MECR: variants seen among roughly 807,000 people sequenced by gnomAD.
MECR encodes the protein enoyl-[acyl-carrier-protein] reductase, mitochondrial.
MECR carries 37 observed loss-of-function variants against 49.1 expected under a neutral mutation model. That is an observed-to-expected ratio of 0.75 (90% CI 0.58 to 0.99). The LOEUF is 0.99. MECR is among the 50% of genes least tolerant of loss of function. MECR has a pLI of 0.00. For synonymous variants in MECR, 198 were observed against 191.1 expected (o/e 1.04, Z -0.30); for missense variants, 470 against 479.6 (o/e 0.98, Z 0.19).
At chr1:29,183,880 CT>C in the MECR span, among the ~76,000 whole-genome samples, 52,877 of 124,944 alleles carry the variant, frequency 0.42, 8,947 homozygotes, top group African/African-American at 0.51. Flanking sequence ...ATTTATTCTA[CT>C]TTTTTTTTTT....
chr1:29,184,246 GCTCACTGCAGTCTCTGC>G, the MECR span, among the ~76,000 whole-genome samples: 958 of 147,060 alleles, frequency 6.5e-3, 44 homozygotes, highest in Admixed American at 0.059. Flanking sequence ...CACTATCTTG[GCTCACTGCAGTCTCTGC>G]CTCCAGGTTC....
At chr1:29,174,271 G>A in the MECR span, among the ~76,000 whole-genome samples, 2 of 151,858 alleles carry the variant, frequency 1.3e-5, no homozygotes, top group Non-Finnish European at 2.9e-5. Context: ...TTAATTTACC[G>A]AGTAATGGAA....
chr1:29,226,752 G>A (rs1301982197), intron 1 of MECR, among the ~76,000 whole-genome samples: 1 of 152,110 alleles, frequency 6.6e-6, no homozygotes, highest in East Asian at 1.9e-4. Flanking sequence ...TAAAGTGGAA[G>A]TAATAATAAC....
intron 1 of MECR, among the ~76,000 whole-genome samples, chr1:29,225,573 C>T (rs890602621): frequency 6.6e-6 from 1 of 152,122 alleles, no homozygotes; most frequent in South Asian, 2.1e-4. Context: ...CAACTCTGTA[C>T]CCTCAGTGCC....
downstream of MECR, among the ~76,000 whole-genome samples, chr1:29,189,246 AT>A (rs1189122758): frequency 1.4e-5 from 2 of 144,046 alleles, no homozygotes; most frequent in Non-Finnish European, 2.9e-5. Context: ...GAATTTTTAT[AT>A]TTTTAGTATA....
At chr1:29,173,926 C>T in the MECR span, among the ~76,000 whole-genome samples, 58 of 151,634 alleles carry the variant, frequency 3.8e-4, 1 homozygote, top group East Asian at 8.2e-3. Context: ...CGGTGGCTCA[C>T]GCCTGTAATC....
the MECR span, chr1:29,168,722 C>T: frequency 1.6e-4 from 25 of 152,284 alleles, no homozygotes; most frequent in African/African-American, 6.0e-4. Context: ...TCTGTCTTTG[C>T]TTCTAAGGCT....
the MECR span, among the ~76,000 whole-genome samples, chr1:29,186,227 C>G: frequency 2.4e-3 from 360 of 152,322 alleles, 10 homozygotes; most frequent in East Asian, 0.062. Context: ...TCTAAATATT[C>G]ACAGATTCAT....
intron 3 of MECR, among the ~76,000 whole-genome samples, chr1:29,214,690 C>G (rs767666118): frequency 2.0e-5 from 3 of 152,142 alleles, no homozygotes; most frequent in Admixed American, 6.5e-5. Flanking sequence ...CAAGTTTGAG[C>G]TGGGTCGCTG....
chr1:29,216,440 C>G, intron 2 of MECR, 148 bp downstream of exon 2: 1 of 873,444 alleles, frequency 1.1e-6, no homozygotes, highest in Non-Finnish European at 1.8e-6. Context: ...GGAGGCCAGA[C>G]AGGGCTGACA....
intron 1 of MECR, chr1:29,223,300 C>G (rs558488943): frequency 1.0e-6 from 1 of 985,250 alleles, no homozygotes; most frequent in East Asian, 1.1e-4. Context: ...CAAAAGCAGG[C>G]AGAAGAAAGA....
At chr1:29,227,875 G>T (rs911182186) in intron 1 of MECR, among the ~76,000 whole-genome samples, 3 of 152,148 alleles carry the variant, frequency 2.0e-5, no homozygotes, top group African/African-American at 4.8e-5. Context: ...CTGAATCTGG[G>T]TCAGAAAGTA....
chr1:29,210,666 G>A (rs1677777902), intron 3 of MECR, among the ~76,000 whole-genome samples: 1 of 152,144 alleles, frequency 6.6e-6, no homozygotes, highest in African/African-American at 2.4e-5. Flanking sequence ...GGCAGCACCC[G>A]TGGTCAGAGA....
chr1:29,213,240 C>T (rs758501642), intron 3 of MECR, among the ~76,000 whole-genome samples: 13 of 152,224 alleles, frequency 8.5e-5, no homozygotes, highest in East Asian at 1.9e-4. Flanking sequence ...GGGGCTGGCC[C>T]GAAGCACTGG....
intron 1 of MECR, among the ~76,000 whole-genome samples, chr1:29,228,224 A>AATAAATAAAT (rs1178906177): frequency 6.6e-6 from 1 of 151,678 alleles, no homozygotes; most frequent in African/African-American, 2.4e-5. Context: ...TAAATAAATA[A>AATAAATAAAT]ATAAATAAAT....
chr1:29,229,134 G>C (rs1023953522), intron 1 of MECR: 5 of 152,020 alleles, frequency 3.3e-5, no homozygotes, highest in Admixed American at 2.0e-4. Flanking sequence ...TGCGGGATGT[G>C]GCTAGGCTGA....
chr1:29,227,737 T>C (rs1186098386), intron 1 of MECR, among the ~76,000 whole-genome samples: 1 of 152,192 alleles, frequency 6.6e-6, no homozygotes, highest in Non-Finnish European at 1.5e-5. Context: ...AGACAGCCAG[T>C]TACCAGGATG....
At chr1:29,196,066 C>T (rs753217901) in intron 8 of MECR, 53 bp from the exon 9 acceptor site, 42 of 1,603,680 alleles carry the variant, frequency 2.6e-5, no homozygotes, top group African/African-American at 1.5e-4. Context: ...CTTCAGGTAC[C>T]GCTTAAGGGT....
the MECR span, among the ~76,000 whole-genome samples, chr1:29,174,092 G>A: frequency 6.6e-6 from 1 of 151,748 alleles, no homozygotes; most frequent in African/African-American, 2.4e-5. Flanking sequence ...GGGAGGCTGA[G>A]GCAGGAGAAC....
Sources: gnomAD v4.1 joint callset for allele counts (sites outside exome capture counted in the v4.1 genomes callset) on GRCh38, gnomAD v4.1.1 for gene constraint, MANE v1.5 for transcripts, NCBI Gene and HGNC (gene_info 2026-07-23, HGNC 2026-07-21) for gene names.